Variants in BTBD9 observed in about 807,000 individuals in gnomAD.
The protein encoded by BTBD9 is BTB/POZ domain-containing protein 9.
Under a neutral mutation model 64.3 loss-of-function variants are expected in BTBD9, and 49 were observed. The observed-to-expected ratio is 0.76, with a 90% CI of 0.61 to 0.97. The LOEUF is 0.97. Among genes scored for constraint, BTBD9 ranks in the 50% least tolerant of loss-of-function variants. The probability of loss-of-function intolerance (pLI) is 0.00; values close to 1 mark genes in which losing one functional copy is unlikely to be tolerated. For synonymous variants in BTBD9, 260 were observed against 274.7 expected, an observed-to-expected ratio of 0.95 and a Z score of 0.53; for missense variants, 598 against 762.1, an observed-to-expected ratio of 0.78 and a Z score of 2.53.
At chr6:38,581,035 A>G (rs1220606120) in intron 4 of BTBD9, among the ~76,000 whole-genome samples, 1 of 152,190 alleles carries the variant, frequency 6.6e-6, no homozygotes, top group Non-Finnish European at 1.5e-5. Context: ...TCAACTAACA[A>G]TACAAAATTA....
chr6:38,324,098 G>A (rs1763332842), intron 7 of BTBD9, among the ~76,000 whole-genome samples: 1 of 152,170 alleles, frequency 6.6e-6, no homozygotes, highest in South Asian at 2.1e-4. Context: ...CTGTCTCGCG[G>A]TACGGGGAAG....
At chr6:38,472,291 G>A (rs1770684884) in intron 6 of BTBD9, among the ~76,000 whole-genome samples, 1 of 152,090 alleles carries the variant, frequency 6.6e-6, no homozygotes, top group South Asian at 2.1e-4. Flanking sequence ...TAGATGGATG[G>A]AGCCTGCAGT....
intron 9 of BTBD9, among the ~76,000 whole-genome samples, chr6:38,201,059 C>T (rs1418626485): frequency 6.6e-6 from 1 of 151,746 alleles, no homozygotes; most frequent in Non-Finnish European, 1.5e-5. Context: ...AATCCCAAAA[C>T]CAAAGAGGAG....
At chr6:38,327,024 CAACTTCACCA>C (rs1399156283) in intron 7 of BTBD9, among the ~76,000 whole-genome samples, 3 of 152,184 alleles carry the variant, frequency 2.0e-5, no homozygotes, top group Admixed American at 6.5e-5. Context: ...TCATGGAAAA[CAACTTCACCA>C]AGGACCATTT....
intron 1 of BTBD9, among the ~76,000 whole-genome samples, chr6:38,612,037 C>T (rs912166505): frequency 2.6e-5 from 4 of 152,122 alleles, no homozygotes; most frequent in Non-Finnish European, 5.9e-5. Flanking sequence ...GAATCAACAC[C>T]TTAAAATCTC....
At position 38,506,570 on chromosome 6, in the gene BTBD9, T is replaced by C. The variant is rs1445003941; in HGVS notation, c.1154+71030A>G. ...CAAAGAGTTTCCACTAAACACATCC[T>C]GCTTTCACATCATTGTAACACCAAA... On this transcript the variant is annotated intron_variant, in intron 6 of 10. Coordinates refer to ENST00000481247, the MANE Select transcript of BTBD9 (RefSeq NM_001099272.2). Among the ~76,000 whole-genome samples the C allele has an allele frequency of 3.9e-5, 6 of 152,350 alleles. No individual in the cohort carries two copies. The East Asian group carries it at 9.6e-4, about 24-fold the overall frequency.
chr6:38,317,694 G>A (rs1335709320), intron 7 of BTBD9, among the ~76,000 whole-genome samples: 1 of 151,872 alleles, frequency 6.6e-6, no homozygotes, highest in Non-Finnish European at 1.5e-5. Context: ...ATCCTGTTCT[G>A]TTTTGTCTTC....
intron 6 of BTBD9, among the ~76,000 whole-genome samples, chr6:38,398,387 G>A (rs1766780890): frequency 6.6e-6 from 1 of 152,086 alleles, no homozygotes; most frequent in Non-Finnish European, 1.5e-5. Flanking sequence ...TGTGTGCATG[G>A]CAAGCCTGAA....
chr6:38,332,472 TA>T (rs1763716782), intron 7 of BTBD9, among the ~76,000 whole-genome samples: 1 of 152,234 alleles, frequency 6.6e-6, no homozygotes, highest in Non-Finnish European at 1.5e-5. Context: ...TACTGGGATC[TA>T]ATTCAGAGTT....
At chr6:38,241,949 A>G (rs910446871) in intron 9 of BTBD9, among the ~76,000 whole-genome samples, 6 of 152,252 alleles carry the variant, frequency 3.9e-5, no homozygotes, top group African/African-American at 1.4e-4. Flanking sequence ...GAACCCCTAG[A>G]TAATCTAGAT....
At chr6:38,241,019 T>C (rs939110538) in intron 9 of BTBD9, among the ~76,000 whole-genome samples, 1 of 152,102 alleles carries the variant, frequency 6.6e-6, no homozygotes, top group Admixed American at 6.6e-5. Context: ...ATTCTGAAGA[T>C]TCAGAAATGT....
rs537025305 is a variant in BTBD9, at chr6:38,465,112, T to C, written c.1154+112488A>G. Among the ~76,000 whole-genome samples, 14 of 151,610 alleles carry C rather than the reference T, an allele frequency of 9.2e-5. No homozygotes were observed. The South Asian group carries it at 2.3e-3, about 25-fold the overall frequency. ...TTCAAGACCAGCCTAGGCAACATAG[T>C]GAGACCTCATCTCTGCTAAAGTTAA... On this transcript the variant is annotated intron_variant, in intron 6 of 10. Coordinates refer to ENST00000481247, the MANE Select transcript of BTBD9 (RefSeq NM_001099272.2).
rs1199018329 is a variant in BTBD9 at position 38,173,987 on chromosome 6, C to T, written c.*998G>A. 2 of 152,226 alleles carry T rather than the reference C, an allele frequency of 1.3e-5. No individual in the cohort carries two copies. Among genetic ancestry groups the T allele is most frequent in the African/African-American group, 4.8e-5 (2 of 41,448 alleles). The allele number at this position is 152,226 out of a possible 1,614,324, so 9.4% of individuals were successfully genotyped here. ...TGAGTACTGTGGTGTGGGGGAAGCACGGAGTCCCAGTTCTGCGTTCCTGAC... is the reference window on the plus strand; with the variant it reads ...TGAGTACTGTGGTGTGGGGGAAGCATGGAGTCCCAGTTCTGCGTTCCTGAC... On this transcript the variant is annotated 3_prime_UTR_variant, in exon 11 of 11. Transcript: ENST00000481247.
chr6:38,408,372 C>CA (rs749588597), intron 6 of BTBD9, among the ~76,000 whole-genome samples: 1 of 132,596 alleles, frequency 7.5e-6, no homozygotes, highest in African/African-American at 3.1e-5. Flanking sequence ...AAAACAAAAC[C>CA]AAAAAAACAG....
At chr6:38,550,322 C>CT (rs70981562) in intron 6 of BTBD9, among the ~76,000 whole-genome samples, 25,727 of 143,972 alleles carry the variant, frequency 0.18, 3,903 homozygotes, top group African/African-American at 0.41. Flanking sequence ...TTTCTTTTTT[C>CT]TTTTTTTTTT....
chr6:38,443,472 A>C (rs557732113), intron 6 of BTBD9, among the ~76,000 whole-genome samples: 19 of 152,146 alleles, frequency 1.2e-4, no homozygotes, highest in African/African-American at 4.3e-4. Context: ...CTGGCATATC[A>C]ACTCGTATTT....
chr6:38,634,137 A>AAGCT (rs1314591557), intron 1 of BTBD9, among the ~76,000 whole-genome samples: 2 of 152,230 alleles, frequency 1.3e-5, no homozygotes, highest in Non-Finnish European at 2.9e-5. Context: ...GTGAGTAGCT[A>AAGCT]AGCTGTCAGT....
intron 6 of BTBD9, among the ~76,000 whole-genome samples, chr6:38,522,084 C>T (rs748346619): frequency 6.6e-6 from 1 of 152,178 alleles, no homozygotes; most frequent in South Asian, 2.1e-4. Flanking sequence ...GTGTGGGCCT[C>T]CTCCTTTCTG....
intron 6 of BTBD9, among the ~76,000 whole-genome samples, chr6:38,445,440 A>G (rs577335906): frequency 1.0e-3 from 158 of 152,352 alleles, no homozygotes; most frequent in African/African-American, 3.6e-3. Context: ...GGAAGTGACC[A>G]ACCAACCAGT....
Sources: allele counts gnomAD v4.1 joint callset (sites outside exome capture counted in the v4.1 genomes callset), GRCh38; gene constraint gnomAD v4.1.1; transcripts MANE v1.5; gene names NCBI Gene and HGNC (gene_info 2026-07-23, HGNC 2026-07-21).